Variants in KIAA0232 observed in about 807,000 individuals in gnomAD.
The protein encoded by KIAA0232 is uncharacterized protein KIAA0232.
KIAA0232 carries 27 observed loss-of-function variants against 122.0 expected under a neutral mutation model. That is an observed-to-expected ratio of 0.22 (90% CI 0.16 to 0.31). The LOEUF is 0.31. KIAA0232 is among the 10% of genes least tolerant of loss of function. KIAA0232 has a pLI of 1.00. For synonymous variants in KIAA0232, 613 were observed against 587.6 expected (o/e 1.04, Z -0.63); for missense variants, 1,551 against 1,634.2 (o/e 0.95, Z 0.88).
chr4:6,790,322 A>G (rs1716833858), intron 1 of KIAA0232, among the ~76,000 whole-genome samples: 1 of 143,356 alleles, frequency 7.0e-6, no homozygotes, highest in African/African-American at 2.6e-5. Flanking sequence ...AGAATTGTTC[A>G]CCCAGTTTGG....
At position 6,863,790 on chromosome 4, in the gene KIAA0232, C is replaced by T; in HGVS notation, c.3408C>T (p.Pro1136=). Residue 1136 remains proline (P), a synonymous_variant, in exon 7 of 10, where the codon CCC becomes CCT. Transcript: ENST00000307659. ...FESEKDEANI[P]IPSQVDIFED... is the part of the protein sequence containing the mutation. ...CTGAGAAAGATGAAGCAAATATTCCCATTCCTTCTCAAGTTGATATATTTG... is the reference window on the plus strand; with the variant it reads ...CTGAGAAAGATGAAGCAAATATTCCTATTCCTTCTCAAGTTGATATATTTG... The T allele has an allele frequency of 6.2e-7, 1 of 1,614,182 alleles. No homozygotes were observed. Among genetic ancestry groups the T allele is most frequent in the South Asian group, 1.1e-5 (1 of 91,076 alleles).
chr4:6,823,824 G>A (rs1355759001), intron 2 of KIAA0232, among the ~76,000 whole-genome samples: 3 of 151,872 alleles, frequency 2.0e-5, no homozygotes, highest in Admixed American at 1.3e-4. Flanking sequence ...AGTTCACAAT[G>A]TTGTTTTAAG....
At chr4:6,852,838 C>T (rs1446759393) in intron 4 of KIAA0232, among the ~76,000 whole-genome samples, 2 of 152,188 alleles carry the variant, frequency 1.3e-5, no homozygotes, top group Non-Finnish European at 2.9e-5. Context: ...TGACCTTTCA[C>T]CACATGGCAG....
chr4:6,843,729 C>T (rs111977117), intron 4 of KIAA0232, among the ~76,000 whole-genome samples: 2,379 of 151,896 alleles, frequency 0.016, 67 homozygotes, highest in African/African-American at 0.055. Flanking sequence ...AGGATCATGC[C>T]GCCGCACTCC....
Position 6,883,888 on chromosome 4 carries a change from T to TTTAC in KIAA0232, c.*2923_*2926dup, listed in dbSNP as rs1284003229. The TTTAC allele has an allele frequency of 6.6e-6, 1 of 152,186 alleles. No individual in the cohort carries two copies. Among genetic ancestry groups the TTTAC allele is most frequent in the Non-Finnish European group, 1.5e-5 (1 of 68,038 alleles). 9.4% of individuals were successfully genotyped at this position (152,186 alleles called of 1,614,324 possible). On this transcript the variant is annotated 3_prime_UTR_variant, in exon 10 of 10. Coordinates refer to ENST00000307659, the MANE Select transcript of KIAA0232 (RefSeq NM_014743.3). ...ATATATGAATGCATACACAGAGAAA[T>TTTAC]TTACATTCAAGAGTGTACTATACTT...
intron 1 of KIAA0232, among the ~76,000 whole-genome samples, chr4:6,795,647 C>T (rs1013256527): frequency 9.9e-5 from 15 of 152,104 alleles, no homozygotes; most frequent in African/African-American, 1.7e-4. Context: ...GGCTGGAGTG[C>T]GGTGGTACAT....
At position 6,821,888 on chromosome 4, in the gene KIAA0232, T is replaced by C. The variant is rs143163476; in HGVS notation, c.-269-2297T>C. On this transcript the variant is annotated intron_variant, in intron 2 of 9. Transcript: ENST00000307659. ...TAGAATTCTAGGTTGACAGTTTTTT[T>C]TTCTTTTAGTACTTTAAAGTTTTTG... is the stretch of plus-strand genomic sequence containing the variant. Among the ~76,000 whole-genome samples the C allele has an allele frequency of 2.1e-3, 320 of 152,220 alleles. 2 individuals carry two copies. Among genetic ancestry groups the C allele is most frequent in the Non-Finnish European group, 2.4e-3 (162 of 68,006 alleles).
chr4:6,826,128 T>C (rs1718665746), intron 3 of KIAA0232, among the ~76,000 whole-genome samples: 1 of 152,152 alleles, frequency 6.6e-6, no homozygotes, highest in South Asian at 2.1e-4. Flanking sequence ...CTTAACATGT[T>C]TTATACCTCA....
Position 6,882,533 on chromosome 4 carries a change from C to G in KIAA0232, c.*1567C>G, listed in dbSNP as rs1000793309. On this transcript the variant is annotated 3_prime_UTR_variant, in exon 10 of 10. Transcript: ENST00000307659. ...TCATTGAGGGTCTGTGTGTCCTCAC[C>G]GAGAGGGACCTGGTGTGCCCGCCGG... The G allele has an allele frequency of 6.6e-6, 1 of 152,006 alleles. No homozygotes were observed. The highest frequency in any genetic ancestry group is 1.5e-5 in the Non-Finnish European group (1 of 68,002). 9.4% of individuals were successfully genotyped at this position (152,006 alleles called of 1,614,324 possible). A position where few individuals can be genotyped will look rare whatever the true frequency, so the allele number is the denominator to read the frequency against.
chr4:6,831,842 C>T (rs1214572688), intron 3 of KIAA0232, among the ~76,000 whole-genome samples: 1 of 152,220 alleles, frequency 6.6e-6, no homozygotes, highest in Non-Finnish European at 1.5e-5. Flanking sequence ...ACTCCAAGTT[C>T]TGCTGCTTTC....
At chr4:6,796,766 C>T (rs1215491131) in intron 1 of KIAA0232, among the ~76,000 whole-genome samples, 1 of 152,192 alleles carries the variant, frequency 6.6e-6, no homozygotes, top group Admixed American at 6.5e-5. Context: ...AATATCTTAC[C>T]TTCCTTTTGC....
intron 7 of KIAA0232, among the ~76,000 whole-genome samples, chr4:6,869,423 C>T (rs1721352344): frequency 6.6e-6 from 1 of 152,220 alleles, no homozygotes; most frequent in Non-Finnish European, 1.5e-5. Flanking sequence ...AGTAATCTCA[C>T]AGGACAGGCA....
At chr4:6,825,572 CGAGA>C (rs111362007) in intron 3 of KIAA0232, among the ~76,000 whole-genome samples, 12 of 147,046 alleles carry the variant, frequency 8.2e-5, no homozygotes, top group Non-Finnish European at 9.0e-5. Context: ...CACGCATACA[CGAGA>C]GAGAGAGAGA....
intron 1 of KIAA0232, among the ~76,000 whole-genome samples, chr4:6,799,862 T>G (rs929965116): frequency 2.0e-5 from 3 of 150,678 alleles, no homozygotes; most frequent in African/African-American, 7.3e-5. Context: ...TCCCGGCTAA[T>G]TTTTGTATTT....
chr4:6,806,432 C>A (rs1717616040), intron 2 of KIAA0232, among the ~76,000 whole-genome samples: 1 of 151,984 alleles, frequency 6.6e-6, no homozygotes, highest in Admixed American at 6.6e-5. Context: ...ACAATAAGTT[C>A]AAACAGTAAC....
At chr4:6,800,886 A>C (rs1439681439) in intron 1 of KIAA0232, among the ~76,000 whole-genome samples, 1 of 152,212 alleles carries the variant, frequency 6.6e-6, no homozygotes, top group Non-Finnish European at 1.5e-5. Flanking sequence ...GAGCCCAGTT[A>C]GGAAGGGCAG....
intron 3 of KIAA0232, among the ~76,000 whole-genome samples, 188 bp downstream of exon 3, chr4:6,824,872 TA>T (rs1023140229): frequency 2.0e-5 from 3 of 152,200 alleles, no homozygotes; most frequent in African/African-American, 7.2e-5. Context: ...AGCACCCTGT[TA>T]AGTGCAGTTA....
intron 6 of KIAA0232, 36 bp from the exon 7 acceptor site, chr4:6,860,865 A>T (rs1379108991): frequency 6.4e-7 from 1 of 1,567,792 alleles, no homozygotes; most frequent in Non-Finnish European, 8.7e-7. Context: ...AAAAATCTGC[A>T]TACTCGTGTT....
chr4:6,816,295 T>G (rs1187472017), intron 2 of KIAA0232, among the ~76,000 whole-genome samples: 2 of 151,754 alleles, frequency 1.3e-5, no homozygotes, highest in East Asian at 3.9e-4. Context: ...TTTGTTTTTT[T>G]TTTTTGAGAC....
Sources: gnomAD v4.1 joint callset for allele counts (sites outside exome capture counted in the v4.1 genomes callset) on GRCh38, gnomAD v4.1.1 for gene constraint, MANE v1.5 for transcripts, NCBI Gene and HGNC (gene_info 2026-07-23, HGNC 2026-07-21) for gene names.